The following GBX1 variants were observed in gnomAD, a reference collection of about 807,000 sequenced individuals.
The protein encoded by GBX1 is homeobox protein GBX-1.
In GBX1, 9 loss-of-function variants were observed where a neutral mutation model predicts 22.9. That is an observed-to-expected ratio of 0.39 (90% CI 0.24 to 0.69). The LOEUF is 0.69. Ranked by LOEUF, GBX1 falls within the 30% of genes least tolerant of loss-of-function variation. GBX1 has a pLI of 0.43. For missense variants in GBX1, 494 were observed against 509.2 expected, an observed-to-expected ratio of 0.97 and a Z score of 0.29; for synonymous variants, 203 against 227.3, an observed-to-expected ratio of 0.89 and a Z score of 0.96.
In GBX1 at chr7:151,166,954, T is replaced by C. The variant is rs773600835; in HGVS notation, c.538+57A>G. Reference sequence around the variant, plus strand: ...TGCCGAGGTTCCGAGCAGGTTCCTGTCTGGAATTTCCAGGTGAACCGGCCT... The same window carrying C: ...TGCCGAGGTTCCGAGCAGGTTCCTGCCTGGAATTTCCAGGTGAACCGGCCT... On this transcript the variant is annotated intron_variant, in intron 1 of 1. Coordinates refer to ENST00000297537, the MANE Select transcript of GBX1 (RefSeq NM_001098834.3). The C allele has an allele frequency of 6.7e-4, 1,050 of 1,566,198 alleles. 1 individual carries two copies. The highest frequency in any genetic ancestry group is 8.7e-4 in the Non-Finnish European group (1,001 of 1,144,996).
intron 1 of GBX1, among the ~76,000 whole-genome samples, chr7:151,159,953 C>T (rs1801173362): frequency 6.6e-6 from 1 of 152,034 alleles, no homozygotes; most frequent in Non-Finnish European, 1.5e-5. Context: ...CCTTTTCCAC[C>T]GTAAAGACCA....
rs1334224007 is a variant in GBX1, at chr7:151,167,506, C to T, written c.43G>A (p.Gly15Arg). The T allele has an allele frequency of 2.5e-5, 37 of 1,482,452 alleles. No homozygotes were observed. Among genetic ancestry groups the T allele is most frequent in the Admixed American group, 9.6e-5 (4 of 41,536 alleles). 91.8% of individuals were successfully genotyped at this position (1,482,452 alleles called of 1,614,324 possible). Residue 15 changes from glycine to arginine, a missense_variant, in exon 1 of 2, where the codon GGG becomes AGG. Physicochemically the swap from Gly to Arg is moderately radical, Grantham distance 125. Around this residue, in one of 3 missense-constraint regions of GBX1, gnomAD observed 365 missense variants for 340.4 expected, o/e 1.07. Coordinates refer to ENST00000297537, the MANE Select transcript of GBX1 (RefSeq NM_001098834.3). This position sits in a 1 kb window ranked among gnomAD's most constrained non-coding sequence, Gnocchi z 5.9. ...GGGSAPGGNG[G>R]GGGGGPGTAF... is the part of the protein sequence containing the mutation. ...GTGCCCGGGCCCCCGCCGCCGCCCC[C>T]GCCGTTGCCCCCAGGGGCGCTACCG...
At chr7:151,154,048 G>A (rs1240592863) in intron 1 of GBX1, among the ~76,000 whole-genome samples, 1 of 152,142 alleles carries the variant, frequency 6.6e-6, no homozygotes, top group Non-Finnish European at 1.5e-5. Flanking sequence ...CACCAGCCTG[G>A]CCAACATGGT....
intron 1 of GBX1, chr7:151,149,884 A>C (rs1801058562): frequency 2.2e-6 from 1 of 455,060 alleles, no homozygotes; most frequent in African/African-American, 2.0e-5. Context: ...TTCAATCCTT[A>C]CCCTTGACCT....
At chr7:151,162,450 C>A (rs887936464) in intron 1 of GBX1, among the ~76,000 whole-genome samples, 5 of 152,140 alleles carry the variant, frequency 3.3e-5, no homozygotes, top group Non-Finnish European at 7.3e-5. Flanking sequence ...TCTCCCCGGT[C>A]TCCTTGCATG....
chr7:151,164,776 C>CTTTTTTTTTTTTTTTTTTTTT (rs71533521), intron 1 of GBX1, among the ~76,000 whole-genome samples: 1 of 104,386 alleles, frequency 9.6e-6, no homozygotes, highest in African/African-American at 3.8e-5. Flanking sequence ...AAATTTCCCT[C>CTTTTTTTTTTTTTTTTTTTTT]TTTTTTTTTT....
intron 1 of GBX1, among the ~76,000 whole-genome samples, chr7:151,160,922 T>C (rs1331532638): frequency 1.3e-5 from 2 of 152,164 alleles, no homozygotes; most frequent in African/African-American, 4.8e-5. Context: ...ACAAAGTTTC[T>C]TTCCTACCCC....
At position 151,148,815 on chromosome 7, in the gene GBX1, G is replaced by T; in HGVS notation, c.866C>A (p.Thr289Lys). 6.2e-7 allele frequency: 1 copy of T among 1,614,184 alleles called. No individual in the cohort carries two copies. The highest frequency in any genetic ancestry group is 8.5e-7 in the Non-Finnish European group (1 of 1,180,032). The change falls in exon 2 of 2, where the codon ACA (threonine) becomes AAA (lysine). Residue 289 changes from threonine to lysine, a missense_variant. This residue lies in a region of GBX1 where 124 missense variants were observed against 152.0 expected (regional missense o/e 0.82). Transcript: ENST00000297537. This position sits in a 1 kb window ranked among gnomAD's most constrained non-coding sequence, Gnocchi z 5.1. ...GGCGTGGGCGATCTGAGAGCGCTCT[G>T]TCAAGCTCAGGTATTTCTTGCAATG... The part of the protein sequence containing the change: ...EFHCKKYLSL[T>K]ERSQIAHALK...
intron 1 of GBX1, among the ~76,000 whole-genome samples, chr7:151,155,694 C>T (rs1801126060): frequency 6.6e-6 from 1 of 152,150 alleles, no homozygotes; most frequent in African/African-American, 2.4e-5. Context: ...GCTCAGACCT[C>T]CTTTCAGGGC....
At chr7:151,162,894 C>T (rs1801202477) in intron 1 of GBX1, among the ~76,000 whole-genome samples, 1 of 151,262 alleles carries the variant, frequency 6.6e-6, no homozygotes, top group Admixed American at 6.6e-5. Context: ...GCAACATCTG[C>T]CTCCTGGGTT....
intron 1 of GBX1, among the ~76,000 whole-genome samples, chr7:151,158,492 A>AC (rs1377286861): frequency 6.6e-6 from 1 of 151,840 alleles, no homozygotes; most frequent in African/African-American, 2.4e-5. Context: ...GAAAGGGAGA[A>AC]CAGGCCCTAG....
chr7:151,148,717 CA>C lies in GBX1; in HGVS notation c.963del (p.Gly322AlafsTer3). 6.2e-7 allele frequency: 1 copy of C among 1,614,170 alleles called. No homozygotes were observed. The highest frequency in any genetic ancestry group is 8.5e-7 in the Non-Finnish European group (1 of 1,180,036). On this transcript the variant is annotated frameshift_variant, in exon 2 of 2. Coordinates refer to ENST00000297537, the MANE Select transcript of GBX1 (RefSeq NM_001098834.3). LOFTEE classifies it high-confidence loss of function. The surrounding 1 kb of genome is among the most constrained non-coding windows in gnomAD (Gnocchi z 5.1). ...TCCCCAGAACGGCTGCTCACATTGC[CA>C]GCTTTGATGCGCTTCCACTTGGCCC... Reference protein sequence around the residue: ...NRRAKWKRIKAGNVSSRSGEP... With the variant: ...NRRAKWKRIKXGNVSSRSGEP...
In GBX1 at chr7:151,148,487, G is replaced by A; in HGVS notation, c.*102C>T. On this transcript the variant is annotated 3_prime_UTR_variant, in exon 2 of 2. Coordinates refer to ENST00000297537, the MANE Select transcript of GBX1 (RefSeq NM_001098834.3). The surrounding 1 kb of genome is among the most constrained non-coding windows in gnomAD (Gnocchi z 5.1). Reference sequence around the variant, plus strand: ...TTAATTGCCAACTAGCCCCTCTCAAGGCAGAATCACAGTTGCAGCCCCTCT... The same window carrying A: ...TTAATTGCCAACTAGCCCCTCTCAAAGCAGAATCACAGTTGCAGCCCCTCT... 1 of 1,151,220 alleles carries A rather than the reference G, an allele frequency of 8.7e-7. No homozygotes were observed. 71.3% of individuals were successfully genotyped at this position (1,151,220 alleles called of 1,614,324 possible).
At chr7:151,151,922 T>A (rs1192016074) in intron 1 of GBX1, among the ~76,000 whole-genome samples, 1 of 152,240 alleles carries the variant, frequency 6.6e-6, no homozygotes, top group Admixed American at 6.5e-5. Flanking sequence ...CAGGTCTTTA[T>A]CAGTGACACC....
At chr7:151,156,418 G>GA (rs1213690544) in intron 1 of GBX1, among the ~76,000 whole-genome samples, 14 of 51,496 alleles carry the variant, frequency 2.7e-4, no homozygotes, top group East Asian at 5.5e-4. Flanking sequence ...AAAAAAAAAC[G>GA]AAAAAAAAGA....
At chr7:151,156,157 GC>G (rs2150548849) in intron 1 of GBX1, among the ~76,000 whole-genome samples, 1 of 152,108 alleles carries the variant, frequency 6.6e-6, no homozygotes, top group South Asian at 2.1e-4. Flanking sequence ...GCCAAGGCGG[GC>G]AGATCACTTG....
intron 1 of GBX1, among the ~76,000 whole-genome samples, chr7:151,154,129 T>G (rs1451171455): frequency 6.6e-6 from 1 of 152,108 alleles, no homozygotes; most frequent in Non-Finnish European, 1.5e-5. Context: ...TTCCAGCTAC[T>G]TTTGAGGCTG....
chr7:151,167,308 C>T lies in GBX1; in HGVS notation c.241G>A (p.Gly81Ser). The change falls in exon 1 of 2, where the codon GGC (glycine) becomes AGC (serine). Residue 81 changes from glycine to serine, a missense_variant. Gly to Ser is a moderately conservative substitution (Grantham distance 56). Coordinates refer to ENST00000297537, the MANE Select transcript of GBX1 (RefSeq NM_001098834.3). The surrounding 1 kb of genome is among the most constrained non-coding windows in gnomAD (Gnocchi z 5.9). ...PPLAPLASFA[G>S]RLTNTFCAGL... ...GCGCAGAAGGTGTTGGTAAGGCGGC[C>T]GGCGAAAGAGGCTAGCGGGGCGAGG... The T allele has an allele frequency of 6.6e-7, 1 of 1,524,412 alleles. No homozygotes were observed. Among genetic ancestry groups the T allele is most frequent in the Non-Finnish European group, 8.8e-7 (1 of 1,138,860 alleles). The allele number at this position is 1,524,412 out of a possible 1,614,324, so 94.4% of individuals were successfully genotyped here.
intron 1 of GBX1, among the ~76,000 whole-genome samples, chr7:151,161,510 T>C (rs1801187889): frequency 6.6e-6 from 1 of 152,232 alleles, no homozygotes; most frequent in Non-Finnish European, 1.5e-5. Flanking sequence ...GTAAAGCCTA[T>C]GAACACTTTC....
Sources: gnomAD v4.1 joint callset for allele counts (sites outside exome capture counted in the v4.1 genomes callset) on GRCh38, gnomAD v4.1.1 for gene constraint, gnomAD v4.1.1 regional missense constraint, Gnocchi (gnomAD v3.1) non-coding constraint, MANE v1.5 for transcripts, NCBI Gene and HGNC (gene_info 2026-07-23, HGNC 2026-07-21) for gene names.